The following GRIA4 variants were observed in gnomAD, a reference collection of about 807,000 sequenced individuals.
GRIA4 encodes glutamate ionotropic receptor AMPA type subunit 4.
A neutral mutation model predicts 104.0 loss-of-function variants in GRIA4; 34 were observed. That is an observed-to-expected ratio of 0.33 (90% CI 0.25 to 0.44). The LOEUF is 0.44. GRIA4 is among the 20% of genes least tolerant of loss of function. The probability of loss-of-function intolerance (pLI) is 1.00; values close to 1 mark genes in which losing one functional copy is unlikely to be tolerated. For missense variants in GRIA4, 750 were observed against 1,096.5 expected, an observed-to-expected ratio of 0.68 and a Z score of 4.46; for synonymous variants, 386 against 381.9, an observed-to-expected ratio of 1.01 and a Z score of -0.13.
At chr11:105,802,949 A>G (rs1440812008) in intron 4 of GRIA4, among the ~76,000 whole-genome samples, 3 of 151,970 alleles carry the variant, frequency 2.0e-5, no homozygotes, top group Non-Finnish European at 4.4e-5. Flanking sequence ...GTGCTATTCA[A>G]TATAGAATTT....
intron 10 of GRIA4, among the ~76,000 whole-genome samples, chr11:105,916,637 T>C (rs1046522284): frequency 1.3e-5 from 2 of 152,246 alleles, no homozygotes; most frequent in African/African-American, 2.4e-5. Flanking sequence ...AAGTAAATTG[T>C]TCATTATGTA....
At chr11:105,649,977 G>T (rs1399896324) in intron 3 of GRIA4, among the ~76,000 whole-genome samples, 1 of 151,990 alleles carries the variant, frequency 6.6e-6, no homozygotes, top group Non-Finnish European at 1.5e-5. Flanking sequence ...TAAGAAAATA[G>T]CTTTGAGAGA....
intron 14 of GRIA4, 27 bp from the exon 15 acceptor site, chr11:105,971,887 G>A (rs1591501076): frequency 7.6e-7 from 1 of 1,309,198 alleles, no homozygotes; most frequent in African/African-American, 1.5e-5. Flanking sequence ...CATATATAAT[G>A]TTATTTATGT....
At chr11:105,911,775 A>AAT (rs60005308) in intron 10 of GRIA4, 14,131 of 74,052 alleles carry the variant, frequency 0.19, 1,644 homozygotes, top group South Asian at 0.27. Flanking sequence ...CTTGAAAAGC[A>AAT]ATATATATAT....
chr11:105,728,560 A>G (rs1798462495), intron 3 of GRIA4, among the ~76,000 whole-genome samples: 1 of 152,188 alleles, frequency 6.6e-6, no homozygotes, highest in African/African-American at 2.4e-5. Flanking sequence ...CATTCTTCTA[A>G]GCACCACATA....
chr11:105,888,811 G>A (rs1179538376), intron 6 of GRIA4, among the ~76,000 whole-genome samples: 1 of 151,960 alleles, frequency 6.6e-6, no homozygotes, highest in Non-Finnish European at 1.5e-5. Context: ...ATTATATTGT[G>A]TTTCTTAGAT....
chr11:105,779,187 GTTGGACA>G (rs1033571103), intron 4 of GRIA4, among the ~76,000 whole-genome samples: 1 of 151,840 alleles, frequency 6.6e-6, no homozygotes, highest in African/African-American at 2.4e-5. Flanking sequence ...ATCTATCACT[GTTGGACA>G]TTTGGGTTGG....
chr11:105,643,474 C>T (rs1267721144), intron 3 of GRIA4, among the ~76,000 whole-genome samples: 1 of 152,090 alleles, frequency 6.6e-6, no homozygotes, highest in East Asian at 1.9e-4. Flanking sequence ...ATTTTTACCC[C>T]ATGTTTCTTT....
At chr11:105,932,713 T>C (rs1225453656) in intron 13 of GRIA4, among the ~76,000 whole-genome samples, 2 of 152,140 alleles carry the variant, frequency 1.3e-5, no homozygotes, top group African/African-American at 4.8e-5. Context: ...TAGGAATCAC[T>C]TCTCTTTAAA....
chr11:105,733,512 A>G (rs1938732682), intron 3 of GRIA4, among the ~76,000 whole-genome samples: 1 of 152,052 alleles, frequency 6.6e-6, no homozygotes, highest in Admixed American at 6.5e-5. Context: ...GCTGGAGTGC[A>G]GTGGCACAAT....
chr11:105,666,200 G>C (rs568563860), intron 3 of GRIA4, among the ~76,000 whole-genome samples: 9 of 152,030 alleles, frequency 5.9e-5, no homozygotes, highest in African/African-American at 2.2e-4. Context: ...AACCATTTTA[G>C]TTAAATATAA....
At chr11:105,800,483 G>A (rs1230840238) in intron 4 of GRIA4, among the ~76,000 whole-genome samples, 1 of 152,020 alleles carries the variant, frequency 6.6e-6, no homozygotes, top group Non-Finnish European at 1.5e-5. Flanking sequence ...GGAACACTCA[G>A]TCTAGACTTT....
chr11:105,838,202 T>A (rs1386348486), intron 4 of GRIA4, among the ~76,000 whole-genome samples: 2 of 152,234 alleles, frequency 1.3e-5, no homozygotes, highest in Non-Finnish European at 2.9e-5. Flanking sequence ...GTTAAAATAA[T>A]GTTTTGTTTT....
chr11:105,642,382 A>G (rs938052328), intron 3 of GRIA4, among the ~76,000 whole-genome samples: 3 of 152,062 alleles, frequency 2.0e-5, no homozygotes, highest in Non-Finnish European at 4.4e-5. Context: ...AGTCTGTTAA[A>G]TATTATGGTG....
chr11:105,720,991 G>T (rs1220772540), intron 3 of GRIA4, among the ~76,000 whole-genome samples: 1 of 152,128 alleles, frequency 6.6e-6, no homozygotes, highest in Non-Finnish European at 1.5e-5. Context: ...TGGGAATGGG[G>T]CTGCCTAACT....
chr11:105,847,299 C>T (rs952424121), intron 4 of GRIA4, among the ~76,000 whole-genome samples: 1 of 152,176 alleles, frequency 6.6e-6, no homozygotes, highest in Non-Finnish European at 1.5e-5. Context: ...GGAGGTGGAG[C>T]TCAGGCAGTA....
chr11:105,687,608 ATGGAGAATGACAGT>A (rs1302889868), intron 3 of GRIA4, among the ~76,000 whole-genome samples: 7 of 152,230 alleles, frequency 4.6e-5, no homozygotes, highest in African/African-American at 1.7e-4. Context: ...GGTTTCCTCC[ATGGAGAATGACAGT>A]GCTGTCTATA....
chr11:105,857,249 C>A (rs947697412), intron 4 of GRIA4, among the ~76,000 whole-genome samples: 2 of 152,182 alleles, frequency 1.3e-5, no homozygotes, highest in Middle Eastern at 3.4e-3. Context: ...GAATCTTATT[C>A]CTTTCTTGAC....
At chr11:105,634,317 C>T (rs1000590891) in intron 3 of GRIA4, among the ~76,000 whole-genome samples, 2 of 142,766 alleles carry the variant, frequency 1.4e-5, no homozygotes, top group African/African-American at 5.2e-5. Context: ...ATTGCCTTTG[C>T]ACTCCAGCCT....
Sources: gnomAD v4.1 joint callset for allele counts (sites outside exome capture counted in the v4.1 genomes callset) on GRCh38, gnomAD v4.1.1 for gene constraint, MANE v1.5 for transcripts, NCBI Gene and HGNC (gene_info 2026-07-23, HGNC 2026-07-21) for gene names.